Variants in NTNG1 observed in about 807,000 individuals in gnomAD.
NTNG1 encodes the protein netrin G1.
NTNG1 carries 16 observed loss-of-function variants against 54.0 expected under a neutral mutation model. That is an observed-to-expected ratio of 0.30 (90% CI 0.20 to 0.45). NTNG1 has a LOEUF of 0.45. Among genes scored for constraint, NTNG1 ranks in the 20% least tolerant of loss-of-function variants. The pLI, the probability that NTNG1 is intolerant of heterozygous loss-of-function variation, is 1.00. For missense variants in NTNG1, 530 were observed against 678.7 expected (o/e 0.78, Z 2.43); for synonymous variants, 255 against 263.1 (o/e 0.97, Z 0.30).
chr1:107,168,750 A>T (rs1003199652), intron 2 of NTNG1, among the ~76,000 whole-genome samples: 1 of 152,148 alleles, frequency 6.6e-6, no homozygotes. Flanking sequence ...TCTCTTAACC[A>T]TAAAGGGCTG....
intron 7 of NTNG1, among the ~76,000 whole-genome samples, chr1:107,478,880 C>T (rs1678510113): frequency 6.6e-6 from 1 of 152,254 alleles, no homozygotes; most frequent in Non-Finnish European, 1.5e-5. Flanking sequence ...ATGAGGCTAA[C>T]CACCCTACAT....
chr1:107,329,827 C>T (rs920265849), intron 3 of NTNG1, among the ~76,000 whole-genome samples: 44 of 151,930 alleles, frequency 2.9e-4, no homozygotes, highest in Non-Finnish European at 1.0e-4. Flanking sequence ...GGTAGACAGA[C>T]GAAGATGCAC....
At chr1:107,377,499 T>C (rs1425765855) in intron 3 of NTNG1, among the ~76,000 whole-genome samples, 1 of 152,198 alleles carries the variant, frequency 6.6e-6, no homozygotes, top group African/African-American at 2.4e-5. Context: ...ATGGCTCTGT[T>C]CAACCAGTAC....
intron 4 of NTNG1, among the ~76,000 whole-genome samples, chr1:107,397,500 A>T (rs911351826): frequency 2.6e-5 from 4 of 152,146 alleles, no homozygotes; most frequent in Non-Finnish European, 4.4e-5. Flanking sequence ...GACCTTGAAA[A>T]AGTAAGCTAA....
chr1:107,367,709 A>AT (rs992967382), intron 3 of NTNG1, among the ~76,000 whole-genome samples: 1 of 151,514 alleles, frequency 6.6e-6, no homozygotes, highest in Non-Finnish European at 1.5e-5. Flanking sequence ...TAAAATCTTT[A>AT]TTTTTTATTT....
At chr1:107,271,613 A>G (rs1398004046) in intron 2 of NTNG1, among the ~76,000 whole-genome samples, 1 of 152,184 alleles carries the variant, frequency 6.6e-6, no homozygotes, top group African/African-American at 2.4e-5. Context: ...TTCTATTGTA[A>G]CCTTTAGTTT....
intron 2 of NTNG1, among the ~76,000 whole-genome samples, chr1:107,159,918 TG>T (rs1655286209): frequency 6.6e-6 from 1 of 152,194 alleles, no homozygotes; most frequent in East Asian, 1.9e-4. Context: ...TTCATATAAA[TG>T]GAAATAAGCT....
intron 2 of NTNG1, among the ~76,000 whole-genome samples, chr1:107,315,683 A>T (rs1273965488): frequency 1.3e-5 from 2 of 152,116 alleles, no homozygotes; most frequent in African/African-American, 4.8e-5. Context: ...TCTGGGTCTC[A>T]ACTTATTTTT....
At chr1:107,339,392 C>G (rs1198865462) in intron 3 of NTNG1, among the ~76,000 whole-genome samples, 1 of 151,856 alleles carries the variant, frequency 6.6e-6, no homozygotes, top group Non-Finnish European at 1.5e-5. Flanking sequence ...AACCTCTGCA[C>G]TAAATAGAAT....
At chr1:107,147,554 C>A (rs1570702798) in intron 1 of NTNG1, among the ~76,000 whole-genome samples, 1 of 151,828 alleles carries the variant, frequency 6.6e-6, no homozygotes, top group Non-Finnish European at 1.5e-5. Context: ...AGCAAATCCA[C>A]AGGGACAGGC....
chr1:107,300,863 C>A (rs1281921721), intron 2 of NTNG1, among the ~76,000 whole-genome samples: 1 of 152,032 alleles, frequency 6.6e-6, no homozygotes, highest in Non-Finnish European at 1.5e-5. Context: ...TCACGAGAAT[C>A]CAGATTATAT....
chr1:107,432,299 GGTAA>G (rs1227039834), intron 6 of NTNG1, among the ~76,000 whole-genome samples: 2 of 152,084 alleles, frequency 1.3e-5, no homozygotes, highest in Non-Finnish European at 2.9e-5. Context: ...AAAACAGTGG[GGTAA>G]GTATTACACT....
At chr1:107,439,204 G>A (rs147729830) in intron 7 of NTNG1, among the ~76,000 whole-genome samples, 3 of 152,138 alleles carry the variant, frequency 2.0e-5, no homozygotes, top group African/African-American at 7.2e-5. Flanking sequence ...AGCACTAAAG[G>A]ATCAGTGGAG....
At chr1:107,327,409 C>G (rs1668024619) in intron 3 of NTNG1, among the ~76,000 whole-genome samples, 1 of 152,048 alleles carries the variant, frequency 6.6e-6, no homozygotes, top group Admixed American at 6.6e-5. Context: ...AGCATAGAAG[C>G]TGATCTAATT....
chr1:107,180,217 T>C (rs1237183431), intron 2 of NTNG1, among the ~76,000 whole-genome samples: 1 of 152,204 alleles, frequency 6.6e-6, no homozygotes, highest in Non-Finnish European at 1.5e-5. Context: ...TCAGAGCTTA[T>C]ATTTTAGATA....
chr1:107,404,280 G>A (rs1183568505), intron 4 of NTNG1, among the ~76,000 whole-genome samples: 3 of 151,994 alleles, frequency 2.0e-5, no homozygotes, highest in African/African-American at 4.8e-5. Flanking sequence ...AGAATAGAAA[G>A]AAAATAGGCC....
chr1:107,253,507 G>A (rs76963385), intron 2 of NTNG1, among the ~76,000 whole-genome samples: 2 of 152,296 alleles, frequency 1.3e-5, no homozygotes, highest in East Asian at 3.9e-4. Context: ...TAACCAATTT[G>A]TGTGTCACAG....
intron 6 of NTNG1, among the ~76,000 whole-genome samples, chr1:107,432,025 A>G (rs1452248844): frequency 6.6e-6 from 1 of 152,210 alleles, no homozygotes; most frequent in African/African-American, 2.4e-5. Context: ...CCAAGTATAT[A>G]TAATACTGTT....
intron 2 of NTNG1, among the ~76,000 whole-genome samples, chr1:107,151,412 GT>G (rs369326075): frequency 1.8e-4 from 27 of 152,188 alleles, no homozygotes; most frequent in African/African-American, 6.5e-4. Context: ...TGACTTATGC[GT>G]TCTCCCCTCC....
Sources: gnomAD v4.1 joint callset for allele counts (sites outside exome capture counted in the v4.1 genomes callset) on GRCh38, gnomAD v4.1.1 for gene constraint, MANE v1.5 for transcripts, NCBI Gene and HGNC (gene_info 2026-07-23, HGNC 2026-07-21) for gene names.